The following ANKRD30BL variants were observed in gnomAD, a reference collection of about 807,000 sequenced individuals.
ANKRD30BL encodes the protein putative ankyrin repeat domain-containing protein 30B-like.
ANKRD30BL carries 20 observed loss-of-function variants against 18.4 expected under a neutral mutation model. The ratio of observed to expected loss-of-function variants is 1.09; its 90% CI spans 0.77 to 1.58. The LOEUF is 1.58. ANKRD30BL is among the 40% of genes most tolerant of loss of function. ANKRD30BL has a pLI of 0.00. For synonymous variants in ANKRD30BL, 72 were observed against 100.9 expected, an observed-to-expected ratio of 0.71 and a Z score of 1.72; for missense variants, 224 against 268.6, an observed-to-expected ratio of 0.83 and a Z score of 1.16.
At chr2:132,257,333 G>A (rs1321029233) in intron 1 of ANKRD30BL, among the ~76,000 whole-genome samples, 5 of 149,510 alleles carry the variant, frequency 3.3e-5, no homozygotes. Context: ...GGCTCACAGC[G>A]GAACGGGTCA....
In ANKRD30BL at chr2:132,176,869, T is replaced by C. The variant is rs139023749; in HGVS notation, n.442-19723A>G. Among the ~76,000 whole-genome samples the C allele has an allele frequency of 3.6e-3, 546 of 152,312 alleles. 5 individuals are homozygous for C. Among genetic ancestry groups the C allele is most frequent in the African/African-American group, 0.012 (504 of 41,566 alleles). On this transcript the variant is annotated intron_variant and non_coding_transcript_variant, in intron 1 of 4. Coordinates refer to the ANKRD30BL transcript ENST00000470729. ...ACCATTTAAAATGGTATCCTTTCAC[T>C]CTTCCTTTCCTAAGATTCCACATAG...
intron 1 of ANKRD30BL, among the ~76,000 whole-genome samples, chr2:132,249,145 A>T (rs1573894284): frequency 2.0e-5 from 3 of 152,210 alleles, no homozygotes; most frequent in Non-Finnish European, 4.4e-5. Context: ...TTTTCACCAT[A>T]GGCCTCAAAG....
chr2:132,220,420 G>A (rs1045612010), intron 1 of ANKRD30BL, among the ~76,000 whole-genome samples: 2 of 150,972 alleles, frequency 1.3e-5, no homozygotes, highest in Non-Finnish European at 2.9e-5. Flanking sequence ...CCGAGCCAAA[G>A]CTGGACTGTA....
intron 1 of ANKRD30BL, among the ~76,000 whole-genome samples, chr2:132,199,877 C>A (rs1573834705): frequency 6.6e-6 from 1 of 152,000 alleles, no homozygotes; most frequent in Non-Finnish European, 1.5e-5. Flanking sequence ...AATTTTAGGC[C>A]AATATCCTTG....
rs576046691 is a variant in ANKRD30BL at position 132,227,797 on chromosome 2, C to G, written n.441+29732G>C. On this transcript the variant is annotated intron_variant and non_coding_transcript_variant, in intron 1 of 4. Transcript: ENST00000470729. The stretch of plus-strand genomic sequence containing the variant: ...CTTCAACTCAAATAGCTGAAACTTT[C>G]TTTTGATTCAGCAGTTTGGAAACAC... 2.0e-3 allele frequency among the ~76,000 whole-genome samples: 302 copies of G among 152,152 alleles called. 1 individual carries two copies. The highest frequency in any genetic ancestry group is 3.9e-3 in the Non-Finnish European group (264 of 67,980).
intron 1 of ANKRD30BL, among the ~76,000 whole-genome samples, chr2:132,187,490 A>G (rs1688588330): frequency 6.6e-6 from 1 of 151,556 alleles, no homozygotes; most frequent in South Asian, 2.1e-4. Flanking sequence ...AATTTTTTGT[A>G]TTTTTAGTAG....
chr2:132,150,776 T>C, intron 5 of ANKRD30BL, 136 bp downstream of exon 5: 1 of 338,032 alleles, frequency 3.0e-6, no homozygotes, highest in Non-Finnish European at 5.4e-6. Flanking sequence ...AAGCTTTGTA[T>C]ATAAAAAAAC....
At chr2:132,234,751 A>G (rs1680108749) in intron 1 of ANKRD30BL, among the ~76,000 whole-genome samples, 3 of 152,314 alleles carry the variant, frequency 2.0e-5, no homozygotes, top group East Asian at 1.9e-4. Context: ...GAATTCTACC[A>G]GAGGTACAAG....
intron 4 of ANKRD30BL, among the ~76,000 whole-genome samples, chr2:132,153,984 T>C (rs924499648): frequency 3.3e-5 from 5 of 152,354 alleles, no homozygotes; most frequent in African/African-American, 9.6e-5. Flanking sequence ...GAATTATCTA[T>C]TTCCTCCTTA....
At chr2:132,234,461 G>A (rs1438485571) in intron 1 of ANKRD30BL, among the ~76,000 whole-genome samples, 6 of 152,052 alleles carry the variant, frequency 3.9e-5, no homozygotes, top group Non-Finnish European at 5.9e-5. Flanking sequence ...AAGAAAAAAA[G>A]AGAGAAGAAT....
intron 1 of ANKRD30BL, among the ~76,000 whole-genome samples, chr2:132,221,199 G>A (rs1231644753): frequency 4.4e-5 from 6 of 135,542 alleles, no homozygotes; most frequent in Middle Eastern, 4.3e-3. Context: ...GTGGGGGGGG[G>A]TCAGCCCCCC....
chr2:132,175,775 C>A (rs2104944028), intron 1 of ANKRD30BL, among the ~76,000 whole-genome samples: 1 of 152,326 alleles, frequency 6.6e-6, no homozygotes, highest in East Asian at 1.9e-4. Flanking sequence ...ATGACTTTTA[C>A]CAAGCATACT....
At chr2:132,199,432 G>A (rs1208505110) in intron 1 of ANKRD30BL, among the ~76,000 whole-genome samples, 3 of 152,018 alleles carry the variant, frequency 2.0e-5, no homozygotes, top group African/African-American at 7.2e-5. Flanking sequence ...TACTTTGCAT[G>A]AAGATGATAA....
intron 1 of ANKRD30BL, among the ~76,000 whole-genome samples, chr2:132,220,546 G>A (rs1679646353): frequency 6.6e-6 from 1 of 151,088 alleles, no homozygotes; most frequent in South Asian, 2.1e-4. Context: ...GTTTTTTTTT[G>A]GTGGAGACGG....
At chr2:132,235,956 A>G (rs1204186813) in intron 1 of ANKRD30BL, among the ~76,000 whole-genome samples, 1 of 152,176 alleles carries the variant, frequency 6.6e-6, no homozygotes, top group Non-Finnish European at 1.5e-5. Flanking sequence ...AAGCTACAGT[A>G]ACCAAAACAG....
intron 1 of ANKRD30BL, among the ~76,000 whole-genome samples, chr2:132,173,122 G>T (rs1486634728): frequency 6.6e-6 from 1 of 151,944 alleles, no homozygotes; most frequent in Non-Finnish European, 1.5e-5. Flanking sequence ...CTAACATAAA[G>T]AATATTTTCT....
intron 1 of ANKRD30BL, among the ~76,000 whole-genome samples, chr2:132,177,634 G>T (rs1434542965): frequency 6.6e-6 from 1 of 152,146 alleles, no homozygotes; most frequent in African/African-American, 2.4e-5. Flanking sequence ...AGTGATTAAA[G>T]AATTTAATTT....
At chr2:132,207,934 T>C (rs1573841510) in intron 1 of ANKRD30BL, among the ~76,000 whole-genome samples, 1 of 152,322 alleles carries the variant, frequency 6.6e-6, no homozygotes, top group East Asian at 1.9e-4. Flanking sequence ...CCCTTATTCA[T>C]GATTGAGCAT....
At chr2:132,151,625 A>C (rs868151822) in intron 4 of ANKRD30BL, among the ~76,000 whole-genome samples, 28 of 151,532 alleles carry the variant, frequency 1.8e-4, no homozygotes, top group African/African-American at 2.4e-4. Flanking sequence ...CAAAAAAAAA[A>C]CAAAAAAAAT....
Sources: allele counts gnomAD v4.1 joint callset (sites outside exome capture counted in the v4.1 genomes callset), GRCh38; gene constraint gnomAD v4.1.1; transcripts MANE v1.5; gene names NCBI Gene and HGNC (gene_info 2026-07-23, HGNC 2026-07-21).